Variants in XRN1 observed in about 807,000 individuals in gnomAD.
The protein encoded by XRN1 is 5'-3' exoribonuclease 1.
XRN1 carries 67 observed loss-of-function variants against 222.3 expected under a neutral mutation model. That is an observed-to-expected ratio of 0.30 (90% CI 0.25 to 0.37). The LOEUF (loss-of-function observed/expected upper bound fraction) is 0.37, where lower values mean the gene tolerates loss of function less well. Among genes scored for constraint, XRN1 ranks in the 10% least tolerant of loss-of-function variants. The pLI is 1.00. For missense variants in XRN1, 1,707 were observed against 2,000.2 expected, an observed-to-expected ratio of 0.85 and a Z score of 2.80; for synonymous variants, 643 against 652.4, an observed-to-expected ratio of 0.99 and a Z score of 0.22.
At position 142,414,070 on chromosome 3, in the gene XRN1, T is replaced by C. The variant is rs878939270; in HGVS notation, c.1593+65A>G. ...AAATAAATTTGAGTATTATTGTTTC[T>C]AGGTTTGGAGGAAGAGCTTCTAAAT... On this transcript the variant is annotated intron_variant, in intron 14 of 40. Coordinates refer to ENST00000392981, the MANE Select transcript of XRN1 (RefSeq NM_001282857.2). The C allele has an allele frequency of 5.7e-6, 8 of 1,412,294 alleles. No homozygotes were observed. The South Asian group carries it at 6.8e-5, about 12-fold the overall frequency. 87.5% of individuals were successfully genotyped at this position (1,412,294 alleles called of 1,614,324 possible). A position where few individuals can be genotyped will look rare whatever the true frequency, so the allele number is the denominator to read the frequency against.
At chr3:142,443,376 A>G (rs2070335441) in intron 1 of XRN1, among the ~76,000 whole-genome samples, 1 of 152,212 alleles carries the variant, frequency 6.6e-6, no homozygotes, top group Non-Finnish European at 1.5e-5. Context: ...AGAATCCCTA[A>G]GCCTAGCTGG....
Position 142,377,220 on chromosome 3 carries a change from TA to T in XRN1, c.2716-627del, listed in dbSNP as rs1362209086. Among the ~76,000 whole-genome samples, 1,159 of 139,256 alleles carry T rather than the reference TA, an allele frequency of 8.3e-3. 10 individuals carry two copies. Among genetic ancestry groups the T allele is most frequent in the African/African-American group, 0.021 (818 of 38,134 alleles). The allele number at this position is 139,256 out of a possible 152,430, so 91.4% of individuals were successfully genotyped here. A position where few individuals can be genotyped will look rare whatever the true frequency, so the allele number is the denominator to read the frequency against. On this transcript the variant is annotated intron_variant, in intron 23 of 40. Coordinates refer to ENST00000392981, the MANE Select transcript of XRN1 (RefSeq NM_001282857.2). Reference sequence around the variant, plus strand: ...AAGGGAAGAAAACATATTGTCACATTAAAAAAAAAAAAAGAAGTAACAGATC... The same window carrying T: ...AAGGGAAGAAAACATATTGTCACATTAAAAAAAAAAAAGAAGTAACAGATC...
At chr3:142,426,618 G>T in intron 3 of XRN1, 126 bp downstream of exon 3, 2 of 829,610 alleles carry the variant, frequency 2.4e-6, no homozygotes, top group Admixed American at 2.9e-5. Context: ...AAACATAAGT[G>T]GGAAAATACA....
intron 29 of XRN1, among the ~76,000 whole-genome samples, chr3:142,361,961 CTCTTTTTTTTTTTTT>C: frequency 1.0e-5 from 1 of 99,970 alleles, no homozygotes; most frequent in African/African-American, 4.0e-5. Flanking sequence ...TTCTTTTTCT[CTCTTTTTTTTTTTTT>C]TTTTTTTTTT....
At chr3:142,421,970 A>G (rs2069053077) in intron 8 of XRN1, among the ~76,000 whole-genome samples, 1 of 152,134 alleles carries the variant, frequency 6.6e-6, no homozygotes, top group East Asian at 1.9e-4. Flanking sequence ...ATGCATATCC[A>G]TTCGAAAAAA....
intron 19 of XRN1, 119 bp downstream of exon 19, chr3:142,400,325 G>T: frequency 2.8e-6 from 2 of 722,092 alleles, no homozygotes; most frequent in Non-Finnish European, 2.2e-6. Flanking sequence ...TTTCATTTTT[G>T]GTACAGAGTG....
At chr3:142,359,596 T>C (rs1045296755) in intron 30 of XRN1, among the ~76,000 whole-genome samples, 1 of 152,182 alleles carries the variant, frequency 6.6e-6, no homozygotes, top group Admixed American at 6.5e-5. Flanking sequence ...TCATACTCTT[T>C]ATAAAAACCT....
chr3:142,411,822 ATTTTTT>A (rs1291888583), intron 15 of XRN1, among the ~76,000 whole-genome samples: 11 of 138,562 alleles, frequency 7.9e-5, no homozygotes, highest in Non-Finnish European at 1.1e-4. Flanking sequence ...CTTACTGAAA[ATTTTTT>A]TTTTTTTTTT....
At chr3:142,321,097 T>C (rs956967901) in intron 37 of XRN1, among the ~76,000 whole-genome samples, 3 of 147,362 alleles carry the variant, frequency 2.0e-5, no homozygotes, top group Non-Finnish European at 4.5e-5. Flanking sequence ...TGAAAGATCA[T>C]CCACTTCCTT....
chr3:142,425,519 C>T lies in XRN1; in HGVS notation c.426G>A (p.Arg142=), dbSNP rs745515948. ...CAAAATACTTCAGATGTTCATGTAA[C>T]CTGGCCATAAATTCAGTTCCTAAAA... The part of the protein sequence containing the change: ...CITPGTEFMA[R]LHEHLKYFVN... The change falls in exon 4 of 41, where the codon AGG becomes AGA. Residue 142 remains arginine, a synonymous_variant. Transcript: ENST00000392981. 1.2e-6 allele frequency: 2 copies of T among 1,612,306 alleles called. No individual in the cohort carries two copies. Among genetic ancestry groups the T allele is most frequent in the South Asian group, 1.1e-5 (1 of 90,864 alleles).
At position 142,369,578 on chromosome 3, in the gene XRN1, G is replaced by C. The variant is rs544642736; in HGVS notation, c.3204+907C>G. 2.6e-5 allele frequency among the ~76,000 whole-genome samples: 4 copies of C among 151,336 alleles called. No homozygotes were observed. In the South Asian group the frequency reaches 8.4e-4, roughly 32 times the overall value. On this transcript the variant is annotated intron_variant, in intron 27 of 40. Transcript: ENST00000392981. ...CAGAAGAATCGCTTGAATCTGGGAG[G>C]TGGAGGTTGCAGTGAGCCGAGATCA...
Position 142,306,889 on chromosome 3 carries a change from A to G in XRN1, c.*4622T>C, listed in dbSNP as rs935162102. On this transcript the variant is annotated 3_prime_UTR_variant, in exon 41 of 41. Transcript: ENST00000392981. Reference sequence around the variant, plus strand: ...AAGTCTTCCCTTTTGAATTTTTAATAAAATACTTCTCTGTATAAGATCTAA... The same window carrying G: ...AAGTCTTCCCTTTTGAATTTTTAATGAAATACTTCTCTGTATAAGATCTAA... 6.5e-6 allele frequency: 1 copy of G among 152,682 alleles called. No individual in the cohort carries two copies. Among genetic ancestry groups the G allele is most frequent in the Non-Finnish European group, 1.5e-5 (1 of 68,044 alleles). The allele number at this position is 152,682 out of a possible 1,614,324, so 9.5% of individuals were successfully genotyped here. A position where few individuals can be genotyped will look rare whatever the true frequency, so the allele number is the denominator to read the frequency against.
intron 3 of XRN1, among the ~76,000 whole-genome samples, chr3:142,426,134 A>G (rs2069236354): frequency 6.6e-6 from 1 of 152,182 alleles, no homozygotes; most frequent in Non-Finnish European, 1.5e-5. Context: ...AGAAAGGGCA[A>G]ATTACCACTG....
rs200557554 is a variant in XRN1, at chr3:142,404,870, G to A, written c.1883+37C>T. The A allele has an allele frequency of 5.0e-5, 81 of 1,606,012 alleles. No homozygotes were observed. The African/African-American group carries it at 9.0e-4, about 18-fold the overall frequency. ...CTTCTCGCACCCTTGTGTTAGGAGC[G>A]CTCTTTTGTTGTTGAAAAATTACCA... On this transcript the variant is annotated intron_variant, in intron 16 of 40. Transcript: ENST00000392981.
intron 22 of XRN1, among the ~76,000 whole-genome samples, chr3:142,381,871 T>G (rs1368715410): frequency 1.3e-5 from 2 of 152,138 alleles, no homozygotes; most frequent in Non-Finnish European, 2.9e-5. Context: ...CAGCCAACAT[T>G]GACATTTTGA....
chr3:142,371,457 G>C, intron 25 of XRN1, 129 bp from the exon 26 acceptor site: 1 of 667,612 alleles, frequency 1.5e-6, no homozygotes, highest in Admixed American at 3.0e-5. Flanking sequence ...TATTAATAAG[G>C]GATATTATTA....
chr3:142,410,653 C>A (rs755152112), intron 15 of XRN1, among the ~76,000 whole-genome samples: 47 of 151,720 alleles, frequency 3.1e-4, no homozygotes, highest in Admixed American at 1.8e-3. Flanking sequence ...CACCACCACG[C>A]CCTGCTAATT....
intron 25 of XRN1, among the ~76,000 whole-genome samples, chr3:142,374,264 G>C (rs1201350636): frequency 6.6e-6 from 1 of 152,114 alleles, no homozygotes; most frequent in Non-Finnish European, 1.5e-5. Flanking sequence ...TGAATAATGA[G>C]AGCTGCACAA....
intron 23 of XRN1, 72 bp downstream of exon 23, chr3:142,380,010 G>A (rs2067254747): frequency 1.7e-6 from 2 of 1,163,440 alleles, no homozygotes; most frequent in Non-Finnish European, 2.4e-6. Flanking sequence ...ATTCAAAGGA[G>A]GTGGCAAAAA....
Sources: gnomAD v4.1 joint callset for allele counts (sites outside exome capture counted in the v4.1 genomes callset) on GRCh38, gnomAD v4.1.1 for gene constraint, MANE v1.5 for transcripts, NCBI Gene and HGNC (gene_info 2026-07-23, HGNC 2026-07-21) for gene names.